The following UST variants were observed in gnomAD, a reference collection of about 807,000 sequenced individuals.
The protein encoded by UST is uronyl 2-sulfotransferase, also known as chondroitin sulfate 2-O-sulfotransferase.
A neutral mutation model predicts 45.6 loss-of-function variants in UST; 21 were observed. The observed-to-expected ratio is 0.46, with a 90% confidence interval of 0.33 to 0.66. The LOEUF is 0.66. Ranked by LOEUF, UST falls within the 30% of genes least tolerant of loss-of-function variation. The probability of loss-of-function intolerance (pLI) is 0.02; values close to 1 mark genes in which losing one functional copy is unlikely to be tolerated. For synonymous variants in UST, 215 were observed against 200.6 expected (o/e 1.07, Z -0.61); for missense variants, 463 against 512.4 (o/e 0.90, Z 0.93).
chr6:148,927,626 C>A (rs1250589238), intron 2 of UST, among the ~76,000 whole-genome samples: 3 of 151,828 alleles, frequency 2.0e-5, no homozygotes, highest in East Asian at 1.9e-4. Flanking sequence ...TGAGATATTG[C>A]GTGAAAGGCA....
chr6:148,936,437 C>T (rs1780027630), intron 2 of UST, among the ~76,000 whole-genome samples: 1 of 152,134 alleles, frequency 6.6e-6, no homozygotes, highest in Non-Finnish European at 1.5e-5. Flanking sequence ...TGATAATTTA[C>T]ACTCTTAGAG....
chr6:148,897,352 G>C (rs12206398), intron 2 of UST, among the ~76,000 whole-genome samples: 27,166 of 151,512 alleles, frequency 0.18, 2,701 homozygotes, highest in Non-Finnish European at 0.23. Flanking sequence ...ATTTTCAGTA[G>C]AGATGGGGTT....
intron 5 of UST, among the ~76,000 whole-genome samples, chr6:149,014,749 A>G (rs1049761855): frequency 3.9e-5 from 6 of 152,222 alleles, no homozygotes; most frequent in Non-Finnish European, 1.5e-5. Flanking sequence ...TAATACACAG[A>G]CAGCTCATGA....
chr6:148,985,543 A>G (rs1781223485), intron 5 of UST, among the ~76,000 whole-genome samples: 1 of 152,158 alleles, frequency 6.6e-6, no homozygotes, highest in Admixed American at 6.5e-5. Flanking sequence ...AGAATAGAAA[A>G]CGTAACCATT....
At chr6:148,851,620 A>G (rs1451553730) in intron 1 of UST, among the ~76,000 whole-genome samples, 1 of 152,234 alleles carries the variant, frequency 6.6e-6, no homozygotes, top group Non-Finnish European at 1.5e-5. Context: ...CAGCCAGGCG[A>G]CCTTTATGGT....
At chr6:148,972,355 AG>A (rs1350203011) in intron 5 of UST, among the ~76,000 whole-genome samples, 1 of 152,202 alleles carries the variant, frequency 6.6e-6, no homozygotes, top group East Asian at 1.9e-4. Flanking sequence ...GGACAGCAGG[AG>A]GGGACTGTTC....
intron 7 of UST, among the ~76,000 whole-genome samples, chr6:149,067,794 C>G (rs867206827): frequency 2.0e-5 from 3 of 152,186 alleles, no homozygotes; most frequent in African/African-American, 7.2e-5. Flanking sequence ...ATGGAGTGCA[C>G]TGGGATTTTA....
At chr6:148,901,509 C>T (rs1020907255) in intron 2 of UST, among the ~76,000 whole-genome samples, 42 of 150,914 alleles carry the variant, frequency 2.8e-4, no homozygotes, top group African/African-American at 9.5e-4. Flanking sequence ...TAGAGGGGCA[C>T]GTAGGGAGAC....
chr6:148,915,421 C>T (rs1365709587), intron 2 of UST, among the ~76,000 whole-genome samples: 1 of 152,018 alleles, frequency 6.6e-6, no homozygotes, highest in Non-Finnish European at 1.5e-5. Flanking sequence ...TGGCTGGTAA[C>T]ATAAATGGAG....
At chr6:148,899,257 G>A (rs1006308937) in intron 2 of UST, among the ~76,000 whole-genome samples, 3 of 151,836 alleles carry the variant, frequency 2.0e-5, no homozygotes, top group Non-Finnish European at 4.4e-5. Context: ...CCGCCACTAC[G>A]CCCAGCTAAT....
At chr6:148,882,486 CAAAAAAAAAAAA>C (rs397741900) in intron 1 of UST, among the ~76,000 whole-genome samples, 2 of 74,172 alleles carry the variant, frequency 2.7e-5, no homozygotes, top group Non-Finnish European at 4.9e-5. Flanking sequence ...AACTCCATCT[CAAAAAAAAAAAA>C]AAAAAAAAAA....
At chr6:149,044,262 T>C (rs1298494845) in intron 7 of UST, among the ~76,000 whole-genome samples, 1 of 152,176 alleles carries the variant, frequency 6.6e-6, no homozygotes, top group Non-Finnish European at 1.5e-5. Context: ...TTCTACCAGT[T>C]CTTAAATCTC....
intron 7 of UST, among the ~76,000 whole-genome samples, chr6:149,048,127 A>AT (rs35382476): frequency 0.33 from 50,105 of 150,118 alleles, 8,595 homozygotes; most frequent in Non-Finnish European, 0.36. Flanking sequence ...TAAAGAGTTC[A>AT]TTTTTTTTTT....
intron 1 of UST, among the ~76,000 whole-genome samples, chr6:148,885,553 G>A (rs1461230752): frequency 6.6e-6 from 1 of 152,164 alleles, no homozygotes; most frequent in East Asian, 1.9e-4. Context: ...TGGGCATGCT[G>A]GGTGTTTGTG....
Position 149,014,385 on chromosome 6 carries a change from C to T in UST, c.682-4754C>T, listed in dbSNP as rs575795528. 5.3e-5 allele frequency among the ~76,000 whole-genome samples: 8 copies of T among 152,332 alleles called. No homozygotes were observed. In the Middle Eastern group the frequency reaches 0.01, roughly 194 times the overall value. ...CTCCCAATGTTGGGAGCAGATCTAG[C>T]CTAAGAACTAGAACTAGGTTAGAGT... is the stretch of plus-strand genomic sequence containing the variant. On this transcript the variant is annotated intron_variant, in intron 5 of 7. Transcript: ENST00000367463.
At chr6:148,870,903 A>C (rs981449030) in intron 1 of UST, among the ~76,000 whole-genome samples, 2 of 152,070 alleles carry the variant, frequency 1.3e-5, no homozygotes, top group Non-Finnish European at 2.9e-5. Context: ...TCCTTTGTTT[A>C]ATGTCTGTCA....
rs1385404214 is a variant in UST, at chr6:148,841,576, G to GTT, written c.248-45407_248-45406dup. On this transcript the variant is annotated intron_variant, in intron 1 of 7. Transcript: ENST00000367463. ...CTTTATAATTTGCCCAAGGGGGTCT[G>GTT]TTTTGTTTTTGTTTTTTTTTTCTGT... is the stretch of plus-strand genomic sequence containing the variant. Among the ~76,000 whole-genome samples the GTT allele has an allele frequency of 2.2e-3, 275 of 125,122 alleles. 1 individual carries two copies. The highest frequency in any genetic ancestry group is 4.1e-3 in the Non-Finnish European group (242 of 59,286). 82.1% of individuals were successfully genotyped at this position (125,122 alleles called of 152,430 possible). A position where few individuals can be genotyped will look rare whatever the true frequency, so the allele number is the denominator to read the frequency against.
chr6:148,770,361 G>A (rs1582799975), intron 1 of UST, among the ~76,000 whole-genome samples: 1 of 149,954 alleles, frequency 6.7e-6, no homozygotes, highest in Non-Finnish European at 1.5e-5. Context: ...AGAAGAGCAC[G>A]TGCAAAGGCA....
At chr6:148,777,910 T>A (rs908180985) in intron 1 of UST, among the ~76,000 whole-genome samples, 4 of 152,332 alleles carry the variant, frequency 2.6e-5, no homozygotes, top group Admixed American at 2.6e-4. Context: ...CTGCAATATA[T>A]TCTGTACAGT....
Sources: allele counts gnomAD v4.1 joint callset (sites outside exome capture counted in the v4.1 genomes callset), GRCh38; gene constraint gnomAD v4.1.1; transcripts MANE v1.5; gene names NCBI Gene and HGNC (gene_info 2026-07-23, HGNC 2026-07-21).